Variants in CUL2 observed in about 807,000 individuals in gnomAD.
The protein encoded by CUL2 is cullin 2, also known as cullin-2.
Under a neutral mutation model 110.2 loss-of-function variants are expected in CUL2, and 22 were observed. That is an observed-to-expected ratio of 0.20 (90% CI 0.14 to 0.28). CUL2 has a LOEUF of 0.28. Ranked by LOEUF, CUL2 falls within the 10% of genes least tolerant of loss-of-function variation. The pLI is 1.00. For synonymous variants in CUL2, 279 were observed against 293.2 expected (o/e 0.95, Z 0.49); for missense variants, 631 against 905.5 (o/e 0.70, Z 3.89).
intron 17 of CUL2, among the ~76,000 whole-genome samples, chr10:35,021,852 GA>G: frequency 2.3e-5 from 3 of 132,922 alleles, no homozygotes; most frequent in Admixed American, 7.8e-5. Flanking sequence ...GAGGTGAGGT[GA>G]GGTGAGGTGG....
chr10:35,084,231 C>T (rs146278820), intron 1 of CUL2, among the ~76,000 whole-genome samples: 2,104 of 152,252 alleles, frequency 0.014, 51 homozygotes, highest in African/African-American at 0.047. Flanking sequence ...GAGCTGAGAT[C>T]GCGCCACTGC....
chr10:35,118,080 T>G (rs560431632), intron 1 of CUL2: 2 of 152,236 alleles, frequency 1.3e-5, no homozygotes, highest in Non-Finnish European at 2.9e-5. Flanking sequence ...GGCTTCATTC[T>G]CAGTGATGTA....
In CUL2 at chr10:35,010,129, T is replaced by C; in HGVS notation, c.*182A>G. On this transcript the variant is annotated 3_prime_UTR_variant, in exon 21 of 21. Coordinates refer to ENST00000374749, the MANE Select transcript of CUL2 (RefSeq NM_003591.4). ...TAAGAAATGTCATAATGACATGAGC[T>C]TGAAATATCTCTAGGCATTTTCTTT... The C allele has an allele frequency of 2.5e-6, 1 of 404,730 alleles. No individual in the cohort carries two copies. 25.1% of individuals were successfully genotyped at this position (404,730 alleles called of 1,614,324 possible).
At chr10:35,092,564 A>G (rs1315239117), upstream of CUL2, among the ~76,000 whole-genome samples, 1 of 152,236 alleles carries the variant, frequency 6.6e-6, no homozygotes, top group African/African-American at 2.4e-5. Context: ...TGTCTTGAAG[A>G]AAAGCACTTG....
Position 35,058,919 on chromosome 10 carries a change from C to T in CUL2, c.317+1955G>A, listed in dbSNP as rs114804428. On this transcript the variant is annotated intron_variant, in intron 4 of 20. Coordinates refer to ENST00000374749, the MANE Select transcript of CUL2 (RefSeq NM_003591.4). ...CACTCAATTCAGTTAACACTTCCAA[C>T]CCTCATGGATGAGTTAGGGGGTCAA... Among the ~76,000 whole-genome samples, 676 of 152,278 alleles carry T rather than the reference C, an allele frequency of 4.4e-3. 7 individuals carry two copies. Among genetic ancestry groups the T allele is most frequent in the African/African-American group, 0.015 (625 of 41,548 alleles).
chr10:35,074,008 T>C, intron 1 of CUL2: 1 of 707,856 alleles, frequency 1.4e-6, no homozygotes, highest in Non-Finnish European at 2.6e-6. Flanking sequence ...TTCAGACCCG[T>C]GCTGCGGCCG....
rs186766527 is a variant in CUL2, at chr10:35,065,640, A to C, written c.120-2578T>G. On this transcript the variant is annotated intron_variant, in intron 2 of 20. Coordinates refer to ENST00000374749, the MANE Select transcript of CUL2 (RefSeq NM_003591.4). ...TCTCAAAAATAAATAAATAAATAAA[A>C]ATTTAAAAAAAGAGATTGAGACCAT... is the stretch of plus-strand genomic sequence containing the variant. Among the ~76,000 whole-genome samples the C allele has an allele frequency of 2.5e-3, 382 of 151,606 alleles. 3 individuals are homozygous for C. The highest frequency in any genetic ancestry group is 9.0e-3 in the African/African-American group (370 of 41,320).
intron 1 of CUL2, among the ~76,000 whole-genome samples, chr10:35,113,364 G>A (rs2087546414): frequency 6.6e-6 from 1 of 150,558 alleles, no homozygotes; most frequent in Non-Finnish European, 1.5e-5. Flanking sequence ...CAGGCGTAGT[G>A]GTATGTGCCT....
chr10:35,072,213 A>T (rs2086698596), intron 1 of CUL2, among the ~76,000 whole-genome samples: 2 of 152,102 alleles, frequency 1.3e-5, no homozygotes, highest in African/African-American at 4.8e-5. Context: ...TAAAATTCAC[A>T]TGACCTTTTA....
intron 10 of CUL2, among the ~76,000 whole-genome samples, chr10:35,034,059 A>C (rs371786426): frequency 2.2e-4 from 33 of 152,314 alleles, no homozygotes; most frequent in Admixed American, 7.2e-4. Flanking sequence ...CTCAGAGAGA[A>C]GAAATACCTA....
chr10:35,082,688 AAAT>A, intron 1 of CUL2, among the ~76,000 whole-genome samples: 1 of 152,220 alleles, frequency 6.6e-6, no homozygotes, highest in Non-Finnish European at 1.5e-5. Context: ...ATTCTAATCA[AAAT>A]AATACTTGGT....
intron 2 of CUL2, among the ~76,000 whole-genome samples, chr10:35,067,139 C>CAAAA (rs71523356): frequency 1.3e-5 from 1 of 76,818 alleles, no homozygotes; most frequent in South Asian, 4.5e-4. Flanking sequence ...AACTCCATCT[C>CAAAA]AAAAAAAAAA....
chr10:35,091,932 CT>C (rs759736653), upstream of CUL2, among the ~76,000 whole-genome samples: 2 of 151,808 alleles, frequency 1.3e-5, no homozygotes, highest in Admixed American at 6.6e-5. Context: ...CAGGCCCCCC[CT>C]GCTTTTTGTT....
intron 1 of CUL2, among the ~76,000 whole-genome samples, chr10:35,109,472 T>C (rs1322023135): frequency 6.6e-6 from 1 of 152,218 alleles, no homozygotes; most frequent in Admixed American, 6.5e-5. Flanking sequence ...GGTAAATGAA[T>C]GACAAAGATA....
chr10:35,036,161 T>C (rs1442025585), intron 9 of CUL2, among the ~76,000 whole-genome samples: 2 of 152,248 alleles, frequency 1.3e-5, no homozygotes, highest in Non-Finnish European at 2.9e-5. Flanking sequence ...CTGTGACTTC[T>C]AAATCACAGA....
chr10:35,116,794 A>G (rs1016378858), intron 1 of CUL2, among the ~76,000 whole-genome samples: 5 of 152,092 alleles, frequency 3.3e-5, no homozygotes, highest in African/African-American at 1.2e-4. Context: ...CATCTCTACT[A>G]AAAATACAAA....
At chr10:35,109,624 C>T (rs1589067681) in intron 1 of CUL2, among the ~76,000 whole-genome samples, 1 of 152,268 alleles carries the variant, frequency 6.6e-6, no homozygotes, top group Non-Finnish European at 1.5e-5. Context: ...GCCAGCCCCA[C>T]AAACATTTGC....
At chr10:35,094,255 G>A (rs1481495339), upstream of CUL2, among the ~76,000 whole-genome samples, 1 of 148,840 alleles carries the variant, frequency 6.7e-6, no homozygotes, top group Non-Finnish European at 1.5e-5. Flanking sequence ...TTTTTTTTGA[G>A]ATGGAGTTTC....
At chr10:35,092,143 T>G (rs1004080411), upstream of CUL2, among the ~76,000 whole-genome samples, 1 of 151,892 alleles carries the variant, frequency 6.6e-6, no homozygotes. Flanking sequence ...TTGGTAGACA[T>G]GGGGTCTCAC....
Sources: allele counts gnomAD v4.1 joint callset (sites outside exome capture counted in the v4.1 genomes callset), GRCh38; gene constraint gnomAD v4.1.1; transcripts MANE v1.5; gene names NCBI Gene and HGNC (gene_info 2026-07-23, HGNC 2026-07-21).